B9D1: variants seen among roughly 807,000 people sequenced by gnomAD.
The protein encoded by B9D1 is B9 domain-containing protein 1.
A neutral mutation model predicts 26.1 loss-of-function variants in B9D1; 20 were observed. The observed-to-expected ratio is 0.77, with a 90% CI of 0.54 to 1.12. The LOEUF is 1.12. Among genes scored for constraint, B9D1 ranks in the 50% most tolerant of loss-of-function variants. The pLI is 0.00. For missense variants in B9D1, 260 were observed against 273.7 expected, an observed-to-expected ratio of 0.95 and a Z score of 0.35; for synonymous variants, 105 against 103.1, an observed-to-expected ratio of 1.02 and a Z score of -0.11.
At chr17:19,355,485 C>T (rs1053224743) in intron 3 of B9D1, among the ~76,000 whole-genome samples, 5 of 147,254 alleles carry the variant, frequency 3.4e-5, no homozygotes, top group East Asian at 4.0e-4. Context: ...GCTGAAATGG[C>T]GCCACTTTAC....
At chr17:19,357,993 C>A in intron 2 of B9D1, 42 bp from the exon 3 acceptor site, 1 of 1,506,536 alleles carries the variant, frequency 6.6e-7, no homozygotes, top group Non-Finnish European at 9.2e-7. Context: ...CAGAGCAGAG[C>A]CAAGCTGCTG....
At chr17:19,349,204 G>C (rs1029375971) in intron 3 of B9D1, among the ~76,000 whole-genome samples, 1 of 152,174 alleles carries the variant, frequency 6.6e-6, no homozygotes, top group Non-Finnish European at 1.5e-5. Context: ...CCTAGTGAGA[G>C]AATAGTGGTA....
chr17:19,360,428 T>C lies in B9D1; in HGVS notation c.64-40A>G, dbSNP rs777628246. 79 of 1,581,804 alleles carry C rather than the reference T, an allele frequency of 5.0e-5. No homozygotes were observed. In the Admixed American group the frequency reaches 1.3e-3, roughly 25 times the overall value. ...GACAGATTCTGTCGACTGGTATTCATGCTGAGGCCAATGCATTTGCTAGGC... is the reference window on the plus strand; with the variant it reads ...GACAGATTCTGTCGACTGGTATTCACGCTGAGGCCAATGCATTTGCTAGGC... On this transcript the variant is annotated intron_variant, in intron 1 of 6. Coordinates refer to ENST00000261499, the MANE Select transcript of B9D1 (RefSeq NM_015681.6).
intron 3 of B9D1, among the ~76,000 whole-genome samples, chr17:19,352,197 C>T (rs1041638087): frequency 4.6e-5 from 7 of 152,052 alleles, no homozygotes; most frequent in African/African-American, 7.2e-5. Context: ...GTTTTTTCAT[C>T]GTCTTAACTT....
intron 1 of B9D1, among the ~76,000 whole-genome samples, chr17:19,374,559 C>T (rs551935379): frequency 4.8e-4 from 73 of 152,368 alleles, no homozygotes; most frequent in African/African-American, 1.6e-3. Context: ...CCTGCATATA[C>T]ACTTGCTGTG....
At chr17:19,369,278 G>T (rs768289385) in intron 1 of B9D1, among the ~76,000 whole-genome samples, 25 of 152,104 alleles carry the variant, frequency 1.6e-4, no homozygotes, top group Non-Finnish European at 2.9e-4. Context: ...TCGGTGCAAA[G>T]GCCCTGCATG....
upstream of B9D1, among the ~76,000 whole-genome samples, chr17:19,366,712 T>C (rs1304071634): frequency 2.0e-5 from 3 of 152,248 alleles, no homozygotes; most frequent in Non-Finnish European, 4.4e-5. Flanking sequence ...TCTTGGCTCT[T>C]CAGCGGAGGG....
At chr17:19,339,636 T>A (rs188966029), downstream of B9D1, among the ~76,000 whole-genome samples, 153 of 152,294 alleles carry the variant, frequency 1.0e-3, no homozygotes, top group African/African-American at 3.6e-3. Flanking sequence ...TTATGAGTGT[T>A]TCTCACTCAC....
rs1405231172 is a variant in B9D1 at position 19,347,837 on chromosome 17, C to T, written c.288G>A (p.Gly96=). The stretch of plus-strand genomic sequence containing the variant: ...CCCCATAGCCTCGAACCACATCGTT[C>T]CCGAACACATCTGGTCCATACACGC... ...VLSVYGPDVF[G]NDVVRGYGAV... The change falls in exon 4 of 7, where the codon GGG becomes GGA. Residue 96 remains glycine (G), a synonymous_variant. Coordinates refer to ENST00000261499, the MANE Select transcript of B9D1 (RefSeq NM_015681.6). This position sits in a 1 kb window ranked among gnomAD's most constrained non-coding sequence, Gnocchi z 4.3. 1.9e-6 allele frequency: 3 copies of T among 1,613,948 alleles called. No homozygotes were observed. Among genetic ancestry groups the T allele is most frequent in the African/African-American group, 2.7e-5 (2 of 74,882 alleles).
Position 19,357,829 on chromosome 17 carries a change from T to G in B9D1, c.244+11A>C. ...CTGCCACCCTACCCCACAGGGCCCC[T>G]GCAGACTCACAGCCGTAGGGGTTGG... On this transcript the variant is annotated intron_variant, in intron 3 of 6. Transcript: ENST00000261499. The G allele has an allele frequency of 1.2e-6, 2 of 1,609,128 alleles. No homozygotes were observed. The highest frequency in any genetic ancestry group is 2.7e-5 in the African/African-American group (2 of 74,904).
At chr17:19,363,548 G>A (rs1911393801), upstream of B9D1, 1 of 152,262 alleles carries the variant, frequency 6.6e-6, no homozygotes, top group African/African-American at 2.4e-5. Context: ...CAGGACTCCA[G>A]AGGCTAACAA....
At chr17:19,337,791 A>G, downstream of B9D1, 2 of 1,425,774 alleles carry the variant, frequency 1.4e-6, no homozygotes, top group Non-Finnish European at 1.9e-6. Context: ...TAGATTTCTT[A>G]CAGCCAGGCC....
downstream of B9D1, among the ~76,000 whole-genome samples, chr17:19,340,272 G>A (rs1907813787): frequency 6.6e-6 from 1 of 152,022 alleles, no homozygotes; most frequent in Non-Finnish European, 1.5e-5. Context: ...CCGGGTTCAA[G>A]CGATTCTCCT....
chr17:19,341,453 TGGAG>T (rs1391431978), downstream of B9D1: 9 of 546,026 alleles, frequency 1.6e-5, no homozygotes, highest in Admixed American at 1.8e-4. Context: ...AAACTCACGA[TGGAG>T]GGAGAAGGGG....
At chr17:19,348,878 A>G (rs142464013) in intron 3 of B9D1, among the ~76,000 whole-genome samples, 1 of 152,346 alleles carries the variant, frequency 6.6e-6, no homozygotes, top group Non-Finnish European at 1.5e-5. Context: ...ACCATATAAC[A>G]TTCTGCGTGG....
At chr17:19,361,955 G>A (rs566629387) in intron 1 of B9D1, among the ~76,000 whole-genome samples, 4 of 152,200 alleles carry the variant, frequency 2.6e-5, no homozygotes, top group Admixed American at 2.0e-4. Flanking sequence ...TTGAGGACTT[G>A]GTGAGCGTTG....
chr17:19,369,308 G>A (rs1241455506), intron 1 of B9D1, among the ~76,000 whole-genome samples: 1 of 152,188 alleles, frequency 6.6e-6, no homozygotes, highest in Non-Finnish European at 1.5e-5. Flanking sequence ...GCAGTCTGGA[G>A]CCTGCCTGCA....
At chr17:19,336,309 T>C (rs1907440363), downstream of B9D1, 1 of 152,234 alleles carries the variant, frequency 6.6e-6, no homozygotes, top group Admixed American at 6.5e-5. Context: ...GAAAGGTGCT[T>C]TCCTTCAGAC....
rs750522077 is a variant in B9D1, at chr17:19,362,611, G to A, written c.-42C>T. 1.9e-6 allele frequency: 3 copies of A among 1,575,044 alleles called. No individual in the cohort carries two copies. Among genetic ancestry groups the A allele is most frequent in the Admixed American group, 1.8e-5 (1 of 54,634 alleles). ...CCGGGGGGACCCACCTAGGCCGCGC[G>A]CGGTTGCTAAGAGACGCCGGCGTTG... On this transcript the variant is annotated 5_prime_UTR_variant, in exon 1 of 7. Coordinates refer to ENST00000261499, the MANE Select transcript of B9D1 (RefSeq NM_015681.6).
Sources: gnomAD v4.1 joint callset for allele counts (sites outside exome capture counted in the v4.1 genomes callset) on GRCh38, gnomAD v4.1.1 for gene constraint, Gnocchi (gnomAD v3.1) non-coding constraint, MANE v1.5 for transcripts, NCBI Gene and HGNC (gene_info 2026-07-23, HGNC 2026-07-21) for gene names.